The following COP1 variants were observed in gnomAD, a reference collection of about 807,000 sequenced individuals.
COP1 encodes the protein COP1 E3 ubiquitin ligase, also known as E3 ubiquitin-protein ligase COP1.
In COP1, 24 loss-of-function variants were observed where a neutral mutation model predicts 101.3. That is an observed-to-expected ratio of 0.24 (90% CI 0.17 to 0.33). The LOEUF (loss-of-function observed/expected upper bound fraction) is 0.33, where lower values mean the gene tolerates loss of function less well. COP1 is among the 10% of genes least tolerant of loss of function. COP1 has a pLI of 1.00. For missense variants in COP1, 663 were observed against 906.2 expected (o/e 0.73, Z 3.45); for synonymous variants, 347 against 341.9 (o/e 1.01, Z -0.17).
chr1:175,946,080 T>C (rs1387453917), intron 19 of COP1, among the ~76,000 whole-genome samples: 1 of 152,206 alleles, frequency 6.6e-6, no homozygotes, highest in East Asian at 1.9e-4. Context: ...TTTCAATTCA[T>C]GACTTGACAT....
At chr1:176,116,730 A>C in intron 8 of COP1, 49 bp from the exon 9 acceptor site, 1 of 1,325,836 alleles carries the variant, frequency 7.5e-7, no homozygotes, top group Middle Eastern at 1.9e-4. Context: ...ACATTATTTT[A>C]ACAACAGAAA....
chr1:176,094,439 T>C (rs1320759941), intron 9 of COP1, among the ~76,000 whole-genome samples: 2 of 151,746 alleles, frequency 1.3e-5, no homozygotes, highest in African/African-American at 2.4e-5. Context: ...AAAATACATA[T>C]TGGATGCAGA....
chr1:175,963,743 T>C (rs904839029), intron 18 of COP1, among the ~76,000 whole-genome samples: 2 of 152,172 alleles, frequency 1.3e-5, no homozygotes, highest in Non-Finnish European at 2.9e-5. Flanking sequence ...CCTATCTTCA[T>C]AAAGTATTCC....
chr1:176,192,042 CCAT>C (rs1572777958), intron 1 of COP1, among the ~76,000 whole-genome samples: 1 of 152,122 alleles, frequency 6.6e-6, no homozygotes, highest in East Asian at 1.9e-4. Flanking sequence ...GGAAAGGACA[CCAT>C]GATTAATACA....
chr1:176,035,254 T>C (rs1669292221), intron 14 of COP1, among the ~76,000 whole-genome samples: 1 of 149,746 alleles, frequency 6.7e-6, no homozygotes. Context: ...ATATAGAAAC[T>C]ATTTTTTTTT....
chr1:176,043,670 T>C (rs1557989396), intron 13 of COP1, 40 bp downstream of exon 13: 1 of 1,165,856 alleles, frequency 8.6e-7, no homozygotes, highest in Non-Finnish European at 1.3e-6. Flanking sequence ...ACAAACCAAA[T>C]GTATGATTCA....
At chr1:176,134,208 T>A (rs1336745160) in intron 8 of COP1, among the ~76,000 whole-genome samples, 1 of 152,022 alleles carries the variant, frequency 6.6e-6, no homozygotes, top group Non-Finnish European at 1.5e-5. Flanking sequence ...ATAGTACACA[T>A]TACCTAAAAC....
intron 15 of COP1, among the ~76,000 whole-genome samples, chr1:176,006,150 A>T (rs1051077130): frequency 1.3e-5 from 2 of 152,132 alleles, no homozygotes; most frequent in Non-Finnish European, 2.9e-5. Flanking sequence ...AGTCTGTTTT[A>T]TCAGAGACTA....
Position 176,060,443 on chromosome 1 carries a change from C to T in COP1, c.1278-14119G>A, listed in dbSNP as rs1002369237. 2.6e-5 allele frequency among the ~76,000 whole-genome samples: 4 copies of T among 152,272 alleles called. 1 individual carries two copies. Among genetic ancestry groups the T allele is most frequent in the Admixed American group, 1.3e-4 (2 of 15,294 alleles). On this transcript the variant is annotated intron_variant, in intron 11 of 19. Coordinates refer to ENST00000367669, the MANE Select transcript of COP1 (RefSeq NM_022457.7). ...ATTTTTGTCCCCAAAGTTACTACGA[C>T]ATTTTGTCCTCTTTAAAATGTTTTT...
chr1:176,060,874 T>C (rs773689510), intron 11 of COP1, among the ~76,000 whole-genome samples: 5 of 151,910 alleles, frequency 3.3e-5, no homozygotes, highest in South Asian at 4.1e-4. Flanking sequence ...TAAAAAACAC[T>C]GAAGAAAAAT....
intron 5 of COP1, among the ~76,000 whole-genome samples, chr1:176,154,429 G>C (rs1430733019): frequency 2.6e-5 from 4 of 152,084 alleles, no homozygotes; most frequent in Non-Finnish European, 5.9e-5. Context: ...AAAATGTGGT[G>C]TACATACACG....
At chr1:175,948,099 C>T (rs1649414342) in intron 18 of COP1, among the ~76,000 whole-genome samples, 1 of 152,114 alleles carries the variant, frequency 6.6e-6, no homozygotes, top group African/African-American at 2.4e-5. Context: ...TTTTAATAAC[C>T]TTGGTAATTA....
At chr1:175,991,339 C>T (rs6425370) in intron 15 of COP1, among the ~76,000 whole-genome samples, 131,311 of 152,072 alleles carry the variant, frequency 0.86, 58,760 homozygotes, top group Non-Finnish European at 0.98. Flanking sequence ...TAAATATTTA[C>T]GTATCTAAAT....
At chr1:175,956,280 G>C (rs1228306447) in intron 18 of COP1, among the ~76,000 whole-genome samples, 1 of 151,896 alleles carries the variant, frequency 6.6e-6, no homozygotes, top group Admixed American at 6.6e-5. Context: ...AACAACTGCA[G>C]GTATGTGAAA....
chr1:176,163,001 A>G lies in COP1; in HGVS notation c.643-13T>C. On this transcript the variant is annotated splice_polypyrimidine_tract_variant and intron_variant, in intron 4 of 19. Transcript: ENST00000367669. ...ACCTGTGGCCATTCTAAAAATGAAG[A>G]AAGAAGAAACACAACAACTTCCTAT... 1.3e-6 allele frequency: 2 copies of G among 1,589,524 alleles called. No individual in the cohort carries two copies. Among genetic ancestry groups the G allele is most frequent in the East Asian group, 4.5e-5 (2 of 44,548 alleles).
At chr1:176,032,708 A>C (rs1285119419) in intron 14 of COP1, among the ~76,000 whole-genome samples, 4 of 152,094 alleles carry the variant, frequency 2.6e-5, no homozygotes, top group Non-Finnish European at 5.9e-5. Flanking sequence ...GAAAATGATG[A>C]AGATAGAGGC....
chr1:176,059,369 GGTAA>G (rs1314796132), intron 11 of COP1, among the ~76,000 whole-genome samples: 1 of 152,026 alleles, frequency 6.6e-6, no homozygotes, highest in Non-Finnish European at 1.5e-5. Context: ...ATACAGAATA[GGTAA>G]GTATTTACAA....
chr1:176,137,434 T>C (rs564342244), intron 6 of COP1, among the ~76,000 whole-genome samples: 1 of 152,304 alleles, frequency 6.6e-6, no homozygotes, highest in African/African-American at 2.4e-5. Flanking sequence ...AAAAGAAAAC[T>C]GCTTTCCAGA....
At chr1:176,126,606 G>A (rs757160295) in intron 8 of COP1, among the ~76,000 whole-genome samples, 10 of 151,956 alleles carry the variant, frequency 6.6e-5, no homozygotes, top group Middle Eastern at 3.2e-3. Context: ...GCAGGTACGC[G>A]CCACCATGCC....
Sources: allele counts gnomAD v4.1 joint callset (sites outside exome capture counted in the v4.1 genomes callset), GRCh38; gene constraint gnomAD v4.1.1; transcripts MANE v1.5; gene names NCBI Gene and HGNC (gene_info 2026-07-23, HGNC 2026-07-21).